The following ADAM12 variants were observed in gnomAD, a reference collection of about 807,000 sequenced individuals.
The protein encoded by ADAM12 is ADAM metallopeptidase domain 12.
In ADAM12, 70 loss-of-function variants were observed where a neutral mutation model predicts 106.4. The observed-to-expected ratio is 0.66, with a 90% CI of 0.54 to 0.80. ADAM12 has a LOEUF of 0.80. ADAM12 is among the 30% of genes least tolerant of loss of function. The pLI is 0.00. For synonymous variants in ADAM12, 420 were observed against 433.5 expected, an observed-to-expected ratio of 0.97 and a Z score of 0.39; for missense variants, 1,010 against 1,171.9, an observed-to-expected ratio of 0.86 and a Z score of 2.02.
intron 5 of ADAM12, among the ~76,000 whole-genome samples, chr10:126,125,158 C>G (rs1459724311): frequency 6.6e-6 from 1 of 151,878 alleles, no homozygotes; most frequent in African/African-American, 2.4e-5. Context: ...CCCCAAAACT[C>G]TGGACCTATC....
Position 126,038,454 on chromosome 10 carries a change from C to G in ADAM12, c.2241-105G>C, listed in dbSNP as rs944792734. 4.9e-6 allele frequency: 4 copies of G among 820,286 alleles called. No individual in the cohort carries two copies. The African/African-American group carries it at 5.3e-5, about 11-fold the overall frequency. 50.8% of individuals were successfully genotyped at this position (820,286 alleles called of 1,614,324 possible). A position where few individuals can be genotyped will look rare whatever the true frequency, so the allele number is the denominator to read the frequency against. ...GGCACTCAAAAGACAGTTTACTTAA[C>G]TCAGTGTGCTAAACATGCAAAGGAA... On this transcript the variant is annotated intron_variant, in intron 19 of 22. Coordinates refer to ENST00000448723, the MANE Select transcript of ADAM12 (RefSeq NM_001288973.2).
At chr10:126,133,956 C>T (rs1013976402) in intron 5 of ADAM12, among the ~76,000 whole-genome samples, 1 of 152,204 alleles carries the variant, frequency 6.6e-6, no homozygotes, top group African/African-American at 2.4e-5. Context: ...CTCCATGATC[C>T]TTGACATCAT....
In ADAM12 at chr10:126,289,774, C is replaced by T. The variant is rs1047977556; in HGVS notation, c.187-10786G>A. The stretch of plus-strand genomic sequence containing the variant: ...GGAGGGGCCTCAGGCTAGAAGGCTA[C>T]GGTCAGACGGCAGCTGTGGGCCATG... On this transcript the variant is annotated intron_variant, in intron 2 of 22. Coordinates refer to ENST00000448723, the MANE Select transcript of ADAM12 (RefSeq NM_001288973.2). Among the ~76,000 whole-genome samples, 7 of 152,296 alleles carry T rather than the reference C, an allele frequency of 4.6e-5. No individual in the cohort carries two copies. In the South Asian group the frequency reaches 6.2e-4, roughly 14 times the overall value.
At chr10:126,093,698 C>A (rs954889467) in intron 11 of ADAM12, among the ~76,000 whole-genome samples, 6 of 152,206 alleles carry the variant, frequency 3.9e-5, no homozygotes, top group Non-Finnish European at 5.9e-5. Context: ...CTTGCTGGGA[C>A]AGGAAGATAA....
intron 4 of ADAM12, among the ~76,000 whole-genome samples, chr10:126,150,287 G>A (rs561814585): frequency 9.4e-4 from 143 of 152,258 alleles, no homozygotes; most frequent in East Asian, 1.7e-3. Flanking sequence ...GGACATAAAC[G>A]TCAAATGTGA....
At chr10:126,084,350 C>A (rs11813475) in intron 11 of ADAM12, among the ~76,000 whole-genome samples, 1 of 152,022 alleles carries the variant, frequency 6.6e-6, no homozygotes, top group Non-Finnish European at 1.5e-5. Context: ...TTAAAAGGAC[C>A]TCAGCCCATC....
chr10:126,238,781 C>T (rs1958468284), intron 3 of ADAM12, among the ~76,000 whole-genome samples: 1 of 152,176 alleles, frequency 6.6e-6, no homozygotes, highest in Non-Finnish European at 1.5e-5. Flanking sequence ...ATCCATAGTT[C>T]TCTGCCAGCT....
chr10:126,151,885 C>T (rs1956733636), intron 4 of ADAM12, among the ~76,000 whole-genome samples: 2 of 151,622 alleles, frequency 1.3e-5, no homozygotes, highest in African/African-American at 2.4e-5. Context: ...ATTTATATCC[C>T]TCTTTGCATT....
chr10:126,122,067 A>T (rs1414476262), intron 5 of ADAM12, among the ~76,000 whole-genome samples: 1 of 152,210 alleles, frequency 6.6e-6, no homozygotes, highest in African/African-American at 2.4e-5. Flanking sequence ...GAGAGCTAAG[A>T]TGTGCATTTG....
At chr10:126,354,621 A>C (rs1029385903) in intron 1 of ADAM12, among the ~76,000 whole-genome samples, 1 of 152,254 alleles carries the variant, frequency 6.6e-6, no homozygotes, top group African/African-American at 2.4e-5. Flanking sequence ...AGCTTTTTTT[A>C]AAAAAATTAG....
intron 2 of ADAM12, among the ~76,000 whole-genome samples, chr10:126,320,534 T>C (rs114102522): frequency 1.1e-3 from 165 of 152,350 alleles, no homozygotes; most frequent in African/African-American, 3.8e-3. Context: ...CTATCACAAC[T>C]ACTTATTGAG....
chr10:126,262,854 C>G (rs1959028294), intron 3 of ADAM12, among the ~76,000 whole-genome samples: 1 of 152,196 alleles, frequency 6.6e-6, no homozygotes. Context: ...TGCCTCCAAC[C>G]CACAGGTGGG....
intron 2 of ADAM12, among the ~76,000 whole-genome samples, chr10:126,305,640 C>T (rs2133806805): frequency 6.6e-6 from 1 of 152,124 alleles, no homozygotes; most frequent in Middle Eastern, 3.4e-3. Flanking sequence ...TATTGTTTTA[C>T]TTCAAAGTTT....
chr10:126,194,677 A>G (rs1054268696), intron 3 of ADAM12, among the ~76,000 whole-genome samples: 14 of 152,382 alleles, frequency 9.2e-5, no homozygotes, highest in Non-Finnish European at 1.8e-4. Flanking sequence ...GAAGGATATT[A>G]ATTCAGCCTA....
At chr10:126,129,596 T>C (rs932322435) in intron 5 of ADAM12, among the ~76,000 whole-genome samples, 3 of 152,080 alleles carry the variant, frequency 2.0e-5, no homozygotes, top group East Asian at 1.9e-4. Context: ...CCAGAGCAAA[T>C]TGGGAACCAG....
chr10:126,291,658 G>A (rs1264144812), intron 2 of ADAM12, among the ~76,000 whole-genome samples: 1 of 152,186 alleles, frequency 6.6e-6, no homozygotes, highest in Non-Finnish European at 1.5e-5. Context: ...GGAGGAATGG[G>A]ACAGAGGTGC....
At chr10:126,274,327 T>G (rs992115940) in intron 3 of ADAM12, among the ~76,000 whole-genome samples, 2 of 152,060 alleles carry the variant, frequency 1.3e-5, no homozygotes, top group Non-Finnish European at 2.9e-5. Flanking sequence ...AAGAATGACC[T>G]CCCCTGCCTA....
At chr10:126,179,164 T>G (rs999407900) in intron 3 of ADAM12, among the ~76,000 whole-genome samples, 27 of 152,214 alleles carry the variant, frequency 1.8e-4, no homozygotes, top group African/African-American at 6.0e-4. Context: ...TGTGGGAATC[T>G]CCCATCAGCT....
intron 2 of ADAM12, among the ~76,000 whole-genome samples, chr10:126,329,334 A>C (rs1229609372): frequency 6.6e-6 from 1 of 152,138 alleles, no homozygotes; most frequent in East Asian, 1.9e-4. Context: ...TCTATTATTC[A>C]TGTATATCAA....
Sources: allele counts gnomAD v4.1 joint callset (sites outside exome capture counted in the v4.1 genomes callset), GRCh38; gene constraint gnomAD v4.1.1; transcripts MANE v1.5; gene names NCBI Gene and HGNC (gene_info 2026-07-23, HGNC 2026-07-21).